Variants in PTPRN2 observed in about 807,000 individuals in gnomAD.
PTPRN2 encodes the protein protein tyrosine phosphatase receptor type N2.
PTPRN2 carries 74 observed loss-of-function variants against 118.8 expected under a neutral mutation model. That is an observed-to-expected ratio of 0.62 (90% CI 0.52 to 0.76). PTPRN2 has a LOEUF of 0.76. Ranked by LOEUF, PTPRN2 falls within the 30% of genes least tolerant of loss-of-function variation. The pLI, the probability that PTPRN2 is intolerant of heterozygous loss-of-function variation, is 0.00. For synonymous variants in PTPRN2, 641 were observed against 608.0 expected (o/e 1.05, Z -0.80); for missense variants, 1,481 against 1,394.4 (o/e 1.06, Z -0.99).
intron 2 of PTPRN2, among the ~76,000 whole-genome samples, chr7:158,470,394 G>A (rs943402206): frequency 3.3e-5 from 5 of 152,102 alleles, no homozygotes; most frequent in African/African-American, 4.8e-5. Flanking sequence ...AACTTCTCCC[G>A]GTGGGTGCTC....
chr7:158,331,780 T>C (rs746321546), intron 2 of PTPRN2, among the ~76,000 whole-genome samples: 4 of 118,890 alleles, frequency 3.4e-5, no homozygotes, highest in Admixed American at 8.2e-5. Flanking sequence ...ATAAGAGCTG[T>C]CACGCACAGA....
intron 12 of PTPRN2, among the ~76,000 whole-genome samples, chr7:157,832,036 C>A (rs138969598): frequency 6.6e-6 from 1 of 152,254 alleles, no homozygotes; most frequent in African/African-American, 2.4e-5. Flanking sequence ...CTGGCACCTC[C>A]GCTAATTCTC....
intron 11 of PTPRN2, among the ~76,000 whole-genome samples, chr7:157,966,119 T>G (rs1801903952): frequency 6.6e-6 from 1 of 151,930 alleles, no homozygotes; most frequent in Non-Finnish European, 1.5e-5. Context: ...TTCTTCTCAC[T>G]AAGAAAAGTT....
intron 2 of PTPRN2, among the ~76,000 whole-genome samples, chr7:158,366,739 G>A (rs1038876324): frequency 7.9e-5 from 12 of 152,076 alleles, no homozygotes; most frequent in East Asian, 3.9e-4. Context: ...CGCCATTGAC[G>A]GCCAGGGTTC....
intron 12 of PTPRN2, among the ~76,000 whole-genome samples, chr7:157,824,597 G>A (rs1040787493): frequency 1.5e-4 from 23 of 152,310 alleles, no homozygotes; most frequent in South Asian, 4.1e-4. Context: ...TGAGCCTCCC[G>A]CAAAATAGGG....
intron 2 of PTPRN2, among the ~76,000 whole-genome samples, chr7:158,319,605 T>A (rs1319442817): frequency 6.0e-5 from 1 of 16,754 alleles, no homozygotes; most frequent in Non-Finnish European, 1.3e-4. Context: ...GCACACAGCC[T>A]CCCTTGTACA....
intron 11 of PTPRN2, among the ~76,000 whole-genome samples, chr7:157,921,013 C>T (rs1232083984): frequency 2.0e-5 from 3 of 152,110 alleles, no homozygotes; most frequent in Admixed American, 6.6e-5. Context: ...TATGTCCATA[C>T]AAAAATATGC....
At position 158,518,942 on chromosome 7, in the gene PTPRN2, G is replaced by A. The variant is rs182032006; in HGVS notation, c.113-29157C>T. Among the ~76,000 whole-genome samples the A allele has an allele frequency of 3.2e-4, 49 of 152,186 alleles. 1 individual carries two copies. The highest frequency in any genetic ancestry group is 6.0e-4 in the African/African-American group (25 of 41,514). On this transcript the variant is annotated intron_variant, in intron 1 of 22. Transcript: ENST00000389418. ...GGAGGTTGCAGTGAGCTGAGATTAC[G>A]CCACTGCACTCCAGCCTGGGTGACA...
Position 157,717,025 on chromosome 7 carries a change from C to T in PTPRN2, c.1789-34088G>A, listed in dbSNP as rs58850464. On this transcript the variant is annotated intron_variant, in intron 12 of 22. Coordinates refer to ENST00000389418, the MANE Select transcript of PTPRN2 (RefSeq NM_002847.5). ...AGACTCTGCGGGAACACTGCCTGGCCACGTAGACTCTGCGGGAACACTGCC... is the reference window on the plus strand; with the variant it reads ...AGACTCTGCGGGAACACTGCCTGGCTACGTAGACTCTGCGGGAACACTGCC... Among the ~76,000 whole-genome samples the T allele has an allele frequency of 7.8e-3, 1,052 of 134,458 alleles. 134 individuals are homozygous for T. In the South Asian group the frequency reaches 0.12, roughly 15 times the overall value. 88.2% of individuals were successfully genotyped at this position (134,458 alleles called of 152,430 possible).
At chr7:158,155,730 CCAT>C (rs1585668893) in intron 6 of PTPRN2, among the ~76,000 whole-genome samples, 4 of 48,686 alleles carry the variant, frequency 8.2e-5, no homozygotes, top group East Asian at 6.2e-4. Context: ...ATCACCATCA[CCAT>C]CATCACCATC....
chr7:158,344,214 C>A (rs139550348), intron 2 of PTPRN2, among the ~76,000 whole-genome samples: 112 of 152,282 alleles, frequency 7.4e-4, no homozygotes, highest in African/African-American at 2.5e-3. Context: ...ACGGGGGAAG[C>A]TCCAGCAACC....
intron 2 of PTPRN2, among the ~76,000 whole-genome samples, chr7:158,379,608 G>A (rs1360405870): frequency 6.6e-6 from 1 of 151,628 alleles, no homozygotes; most frequent in African/African-American, 2.4e-5. Flanking sequence ...GACAAAGATG[G>A]AGAAGACTCC....
rs892725 is a variant in PTPRN2, at chr7:157,929,384, C to T, written c.1724-30647G>A. ...AACTCCTCTGTGGGTTCCTGCAGCACCGGGAGACCCTGGCGCGACTCCTGA... is the reference window on the plus strand; with the variant it reads ...AACTCCTCTGTGGGTTCCTGCAGCATCGGGAGACCCTGGCGCGACTCCTGA... On this transcript the variant is annotated intron_variant, in intron 11 of 22. Coordinates refer to ENST00000389418, the MANE Select transcript of PTPRN2 (RefSeq NM_002847.5). This position sits in a 1 kb window ranked among gnomAD's most constrained non-coding sequence, Gnocchi z 4.4. Among the ~76,000 whole-genome samples, 47,097 of 151,792 alleles carry T rather than the reference C, an allele frequency of 0.31. 9,027 individuals carry two copies. The highest frequency in any genetic ancestry group is 0.52 in the African/African-American group (21,482 of 41,368).
intron 6 of PTPRN2, among the ~76,000 whole-genome samples, chr7:158,165,481 C>A (rs970863412): frequency 6.6e-6 from 1 of 152,262 alleles, no homozygotes; most frequent in Non-Finnish European, 1.5e-5. Flanking sequence ...ACACGTCCTT[C>A]CCTCTAATTG....
chr7:157,736,548 C>A (rs527675435), intron 12 of PTPRN2, among the ~76,000 whole-genome samples: 1 of 151,894 alleles, frequency 6.6e-6, no homozygotes, highest in Non-Finnish European at 1.5e-5. Flanking sequence ...ACCGCCCCCA[C>A]CCCCGCCGCC....
At chr7:158,077,018 A>G (rs1812414148) in intron 11 of PTPRN2, among the ~76,000 whole-genome samples, 1 of 152,228 alleles carries the variant, frequency 6.6e-6, no homozygotes, top group South Asian at 2.1e-4. Flanking sequence ...AAAGGAATTC[A>G]CTTCACTTTG....
Position 158,355,970 on chromosome 7 carries a change from G to A in PTPRN2, c.164-39038C>T, listed in dbSNP as rs552692512. Among the ~76,000 whole-genome samples, 61 of 152,288 alleles carry A rather than the reference G, an allele frequency of 4.0e-4. 2 individuals are homozygous for A. The South Asian group carries it at 0.012, about 31-fold the overall frequency. ...GTTCCAGGCGCCACCACCCAGCCTAGCAGCCGTCATGGGCCCACAGTGATT... is the reference window on the plus strand; with the variant it reads ...GTTCCAGGCGCCACCACCCAGCCTAACAGCCGTCATGGGCCCACAGTGATT... On this transcript the variant is annotated intron_variant, in intron 2 of 22. Transcript: ENST00000389418.
chr7:158,569,728 A>ACAGGAACGCGGGGCGCGAGGCCGC (rs1563444156), intron 1 of PTPRN2, among the ~76,000 whole-genome samples: 7 of 5,356 alleles, frequency 1.3e-3, no homozygotes, highest in Non-Finnish European at 2.1e-3. Flanking sequence ...AGGCCGCCTG[A>ACAGGAACGCGGGGCGCGAGGCCGC]CTGACAGGAA....
In PTPRN2 at chr7:157,707,987, G is replaced by A. The variant is rs12670709; in HGVS notation, c.1789-25050C>T. Among the ~76,000 whole-genome samples the A allele has an allele frequency of 3.7e-4, 57 of 152,358 alleles. 1 individual carries two copies. The East Asian group carries it at 9.8e-3, about 26-fold the overall frequency. Reference sequence around the variant, plus strand: ...AAAATAAAGTCCTTGTGGATTTTATGATCTCATTTCAGCAAATGTCACTGC... The same window carrying A: ...AAAATAAAGTCCTTGTGGATTTTATAATCTCATTTCAGCAAATGTCACTGC... On this transcript the variant is annotated intron_variant, in intron 12 of 22. Transcript: ENST00000389418.
Sources: allele counts gnomAD v4.1 joint callset (sites outside exome capture counted in the v4.1 genomes callset), GRCh38; gene constraint gnomAD v4.1.1; non-coding constraint Gnocchi (gnomAD v3.1); transcripts MANE v1.5; gene names NCBI Gene and HGNC (gene_info 2026-07-23, HGNC 2026-07-21).